Variants in LARGE1 observed in about 807,000 individuals in gnomAD.
LARGE1 encodes the protein xylosyl- and glucuronyltransferase LARGE1.
LARGE1 carries 43 observed loss-of-function variants against 87.6 expected under a neutral mutation model. That is an observed-to-expected ratio of 0.49 (90% CI 0.38 to 0.63). The LOEUF (loss-of-function observed/expected upper bound fraction) is 0.63. Among genes scored for constraint, LARGE1 ranks in the 30% least tolerant of loss-of-function variants. The pLI is 0.00. For synonymous variants in LARGE1, 434 were observed against 394.6 expected (o/e 1.10, Z -1.18); for missense variants, 802 against 1,000.2 (o/e 0.80, Z 2.67).
intron 2 of LARGE1, among the ~76,000 whole-genome samples, chr22:33,685,271 C>A (rs1482769441): frequency 6.6e-6 from 1 of 152,168 alleles, no homozygotes; most frequent in African/African-American, 2.4e-5. Flanking sequence ...CCCAGCCATC[C>A]TGCCTGAAAT....
chr22:33,103,431 T>C, the LARGE1 span, among the ~76,000 whole-genome samples: 1 of 9,660 alleles, frequency 1.0e-4, no homozygotes, highest in Non-Finnish European at 2.2e-4. Flanking sequence ...AGACTCTGTC[T>C]CAAAAAAAAA....
At chr22:33,519,998 CTT>C (rs397868082) in intron 6 of LARGE1, among the ~76,000 whole-genome samples, 13 of 97,230 alleles carry the variant, frequency 1.3e-4, no homozygotes, top group South Asian at 6.7e-4. Flanking sequence ...TGGTTTTTCT[CTT>C]TTTTTTTTTT....
chr22:33,831,099 T>C (rs2062952392), intron 1 of LARGE1, among the ~76,000 whole-genome samples: 1 of 121,230 alleles, frequency 8.2e-6, no homozygotes, highest in South Asian at 2.5e-4. Flanking sequence ...TTTTCTTTTT[T>C]CTTTTTTTTT....
chr22:33,280,978 C>G (rs1336989456), intron 13 of LARGE1, among the ~76,000 whole-genome samples: 1 of 152,212 alleles, frequency 6.6e-6, no homozygotes, highest in Non-Finnish European at 1.5e-5. Context: ...TCTGGAGCCA[C>G]CGCCCTAGAG....
chr22:33,468,927 G>T lies in LARGE1; in HGVS notation c.788-36662C>A, dbSNP rs868026616. Reference sequence around the variant, plus strand: ...TTTCACCAACTTATACCATTGCCAGGTCAATCTTCCTGTAACACCACACTC... The same window carrying T: ...TTTCACCAACTTATACCATTGCCAGTTCAATCTTCCTGTAACACCACACTC... On this transcript the variant is annotated intron_variant, in intron 6 of 14. Transcript: ENST00000397394. Among the ~76,000 whole-genome samples the T allele has an allele frequency of 5.0e-4, 76 of 152,104 alleles. 1 individual carries two copies. The highest frequency in any genetic ancestry group is 1.7e-3 in the African/African-American group (71 of 41,396).
At chr22:33,857,671 T>C (rs978671665) in intron 1 of LARGE1, among the ~76,000 whole-genome samples, 5 of 152,202 alleles carry the variant, frequency 3.3e-5, no homozygotes, top group African/African-American at 1.2e-4. Flanking sequence ...TAAACCATAT[T>C]ACTGCACACC....
chr22:33,160,970 T>C (rs1922002303), downstream of LARGE1, among the ~76,000 whole-genome samples: 1 of 152,218 alleles, frequency 6.6e-6, no homozygotes, highest in Admixed American at 6.5e-5. Flanking sequence ...TTCCTCTGTA[T>C]TAGTCCATTC....
intron 6 of LARGE1, among the ~76,000 whole-genome samples, chr22:33,524,050 T>G (rs1047841067): frequency 1.3e-5 from 2 of 152,102 alleles, no homozygotes; most frequent in Non-Finnish European, 2.9e-5. Flanking sequence ...CCCAGCACTT[T>G]AGAATGCTGA....
At chr22:33,603,297 T>C (rs909605188) in intron 5 of LARGE1, among the ~76,000 whole-genome samples, 3 of 152,188 alleles carry the variant, frequency 2.0e-5, no homozygotes, top group African/African-American at 7.2e-5. Flanking sequence ...CATGCTTAGG[T>C]GTTGAGTCCT....
intron 11 of LARGE1, among the ~76,000 whole-genome samples, chr22:33,309,404 T>C (rs188746270): frequency 9.2e-4 from 140 of 152,248 alleles, no homozygotes; most frequent in African/African-American, 3.2e-3. Flanking sequence ...TGACCTCAGG[T>C]GATTTGACTG....
At chr22:33,216,383 C>CT (rs1258872653) in intron 11 of LARGE1, among the ~76,000 whole-genome samples, 1 of 152,006 alleles carries the variant, frequency 6.6e-6, no homozygotes, top group Non-Finnish European at 1.5e-5. Context: ...AATCCCAGCA[C>CT]TTAGGGAGGC....
chr22:33,152,375 T>A, the LARGE1 span, among the ~76,000 whole-genome samples: 1 of 152,190 alleles, frequency 6.6e-6, no homozygotes, highest in African/African-American at 2.4e-5. Context: ...ATGTTTCCAC[T>A]CCTTGCCTCA....
At chr22:33,708,632 G>C (rs138081042) in intron 2 of LARGE1, among the ~76,000 whole-genome samples, 1 of 152,086 alleles carries the variant, frequency 6.6e-6, no homozygotes, top group Non-Finnish European at 1.5e-5. Flanking sequence ...ACAGAGTCTC[G>C]CTCTGTCGCC....
chr22:33,490,430 A>G (rs1356862100), intron 6 of LARGE1, among the ~76,000 whole-genome samples: 2 of 151,936 alleles, frequency 1.3e-5, no homozygotes, highest in Non-Finnish European at 2.9e-5. Context: ...GAAATAGTGC[A>G]TGTAAAGTGT....
At chr22:33,289,160 G>A (rs1962732) in intron 12 of LARGE1, among the ~76,000 whole-genome samples, 6,320 of 152,086 alleles carry the variant, frequency 0.042, 175 homozygotes, top group Middle Eastern at 0.068. Flanking sequence ...GGTTTTCACC[G>A]TGTTAGCCAG....
intron 11 of LARGE1, among the ~76,000 whole-genome samples, chr22:33,184,844 AAAC>A (rs1923389342): frequency 6.6e-6 from 1 of 152,180 alleles, no homozygotes; most frequent in Non-Finnish European, 1.5e-5. Flanking sequence ...GTGTAAGTTA[AAAC>A]AACGCCATGA....
chr22:33,882,516 AG>A (rs557662710), intron 1 of LARGE1, among the ~76,000 whole-genome samples: 4 of 152,214 alleles, frequency 2.6e-5, no homozygotes, highest in South Asian at 2.1e-4. Context: ...ACCTCTCAGC[AG>A]GGGGGCATTG....
intron 2 of LARGE1, among the ~76,000 whole-genome samples, chr22:33,712,198 C>T (rs1245827482): frequency 1.3e-5 from 2 of 152,076 alleles, no homozygotes; most frequent in African/African-American, 2.4e-5. Context: ...TGGCACAACC[C>T]TGGAACCCTG....
At chr22:33,808,829 T>G (rs1363950436) in intron 1 of LARGE1, among the ~76,000 whole-genome samples, 2 of 152,192 alleles carry the variant, frequency 1.3e-5, no homozygotes, top group African/African-American at 4.8e-5. Flanking sequence ...TTAAACCTAT[T>G]TCCCCCTCAG....
Sources: gnomAD v4.1 joint callset for allele counts (sites outside exome capture counted in the v4.1 genomes callset) on GRCh38, gnomAD v4.1.1 for gene constraint, MANE v1.5 for transcripts, NCBI Gene and HGNC (gene_info 2026-07-23, HGNC 2026-07-21) for gene names.